The following CKLF variants were observed in gnomAD, a reference collection of about 807,000 sequenced individuals.
CKLF encodes the protein chemokine-like factor.
Under a neutral mutation model 12.9 loss-of-function variants are expected in CKLF, and 16 were observed. That is an observed-to-expected ratio of 1.24 (90% CI 0.84 to 1.88). CKLF has a LOEUF of 1.88. Among genes scored for constraint, CKLF ranks in the 40% most tolerant of loss-of-function variants. The pLI is 0.00. For synonymous variants in CKLF, 61 were observed against 69.0 expected, an observed-to-expected ratio of 0.88 and a Z score of 0.57; for missense variants, 172 against 188.5, an observed-to-expected ratio of 0.91 and a Z score of 0.51.
chr16:66,557,664 A>G (rs965729244), intron 1 of CKLF, among the ~76,000 whole-genome samples: 1 of 152,244 alleles, frequency 6.6e-6, no homozygotes. Context: ...TGTGGGGAGC[A>G]GGATAAAAGG....
intron 2 of CKLF, among the ~76,000 whole-genome samples, chr16:66,562,472 A>G (rs890948479): frequency 1.3e-5 from 2 of 152,178 alleles, no homozygotes; most frequent in African/African-American, 4.8e-5. Flanking sequence ...TAAACTTTCT[A>G]CATAATACAT....
intron 1 of CKLF, among the ~76,000 whole-genome samples, chr16:66,555,642 C>T (rs1273972559): frequency 6.6e-6 from 1 of 152,196 alleles, no homozygotes; most frequent in Admixed American, 6.5e-5. Flanking sequence ...AAGAAGTAGA[C>T]AGGAGCCAAA....
intron 1 of CKLF, among the ~76,000 whole-genome samples, chr16:66,557,924 GGCATGGCT>G (rs1216573567): frequency 9.2e-5 from 14 of 152,110 alleles, no homozygotes; most frequent in Admixed American, 3.9e-4. Flanking sequence ...ATACACTTTA[GGCATGGCT>G]GTTTTATATG....
intron 1 of CKLF, 85 bp downstream of exon 1, chr16:66,552,878 T>G: frequency 6.3e-7 from 1 of 1,591,976 alleles, no homozygotes. Flanking sequence ...GCTGAACGCC[T>G]GTTTGCTTTT....
chr16:66,560,831 A>ACACACACT (rs1361552845), intron 2 of CKLF, among the ~76,000 whole-genome samples: 2 of 148,822 alleles, frequency 1.3e-5, no homozygotes, highest in Non-Finnish European at 2.9e-5. Flanking sequence ...ACACACACAC[A>ACACACACT]CACACACTTT....
chr16:66,564,461 AT>A (rs2012001074), intron 3 of CKLF, among the ~76,000 whole-genome samples: 1 of 149,120 alleles, frequency 6.7e-6, no homozygotes, highest in African/African-American at 2.5e-5. Flanking sequence ...TCTATGACTT[AT>A]TTTTTTCTTT....
intron 2 of CKLF, among the ~76,000 whole-genome samples, chr16:66,558,794 G>A (rs1309602629): frequency 1.3e-5 from 2 of 152,110 alleles, no homozygotes; most frequent in Admixed American, 1.3e-4. Context: ...AATTGGGGAG[G>A]CTAAAGTACA....
intron 2 of CKLF, 139 bp from the exon 3 acceptor site, chr16:66,562,983 T>C (rs1162055783): frequency 5.6e-6 from 5 of 890,196 alleles, no homozygotes; most frequent in Non-Finnish European, 8.9e-6. Context: ...TCCAAAGTGC[T>C]GGGATTACAG....
At chr16:66,559,679 C>T (rs754575698) in intron 2 of CKLF, among the ~76,000 whole-genome samples, 1 of 152,096 alleles carries the variant, frequency 6.6e-6, no homozygotes, top group Non-Finnish European at 1.5e-5. Flanking sequence ...CAGTAATAAA[C>T]TGGGAGCCAG....
chr16:66,564,595 C>G (rs577717938), intron 3 of CKLF, among the ~76,000 whole-genome samples: 2 of 152,064 alleles, frequency 1.3e-5, no homozygotes, highest in African/African-American at 4.8e-5. Context: ...CTCAGCCTCC[C>G]AAGTAGCTGG....
chr16:66,562,850 A>G (rs905519568), intron 2 of CKLF, among the ~76,000 whole-genome samples: 8 of 152,044 alleles, frequency 5.3e-5, no homozygotes, highest in African/African-American at 1.9e-4. Context: ...CCTCCCGAGT[A>G]GCTGGGATTA....
chr16:66,557,458 G>A (rs530555867), intron 1 of CKLF, among the ~76,000 whole-genome samples: 6 of 151,582 alleles, frequency 4.0e-5, no homozygotes, highest in African/African-American at 7.3e-5. Flanking sequence ...ATGAGCCACC[G>A]CGCCCACCCT....
At chr16:66,557,817 G>A (rs989857462) in intron 1 of CKLF, among the ~76,000 whole-genome samples, 1 of 152,208 alleles carries the variant, frequency 6.6e-6, no homozygotes, top group South Asian at 2.1e-4. Context: ...AACTGATGTG[G>A]GAAGTGATAG....
At chr16:66,559,489 GA>G (rs906184195) in intron 2 of CKLF, among the ~76,000 whole-genome samples, 6 of 152,224 alleles carry the variant, frequency 3.9e-5, no homozygotes, top group Non-Finnish European at 8.8e-5. Context: ...TTTAGTGGCA[GA>G]AAGGGTTAAA....
At chr16:66,555,299 G>A (rs965462530) in intron 1 of CKLF, among the ~76,000 whole-genome samples, 2 of 152,160 alleles carry the variant, frequency 1.3e-5, no homozygotes, top group African/African-American at 4.8e-5. Flanking sequence ...AGGACAGAAG[G>A]GGATTGCTGC....
chr16:66,552,799 G>A lies in CKLF; in HGVS notation c.78+6G>A, dbSNP rs1965855685. The A allele has an allele frequency of 6.2e-7, 1 of 1,613,942 alleles. No homozygotes were observed. The highest frequency in any genetic ancestry group is 1.1e-5 in the South Asian group (1 of 91,086). ...ACGTGAAGATGCTGCGGCTGGTGAG[G>A]CCGGGCCGCGGAGGGCGGGAGGCTG... On this transcript the variant is annotated splice_donor_region_variant and intron_variant, in intron 1 of 3. Transcript: ENST00000264001.
At chr16:66,562,970 C>T in intron 2 of CKLF, 152 bp from the exon 3 acceptor site, 2 of 790,060 alleles carry the variant, frequency 2.5e-6, no homozygotes, top group Non-Finnish European at 4.2e-6. Flanking sequence ...GATCTGTCTG[C>T]CTTCCAAAGT....
chr16:66,565,940 C>G lies in CKLF; in HGVS notation c.388C>G (p.Arg130Gly), dbSNP rs376804720. The part of the protein sequence containing the change: ...CCLADGALIY[R>G]KLLFNPSGPY... Reference sequence around the variant, plus strand: ...TCTTGCCGACGGGGCCCTTATTTACCGGAAGCTTCTGTTCAATCCCAGCGG... The same window carrying G: ...TCTTGCCGACGGGGCCCTTATTTACGGGAAGCTTCTGTTCAATCCCAGCGG... The change falls in exon 4 of 4, where the codon CGG becomes GGG. Residue 130 changes from arginine (R) to glycine (G), a missense_variant. Physicochemically the swap from Arg to Gly is moderately radical, Grantham distance 125. Coordinates refer to ENST00000264001, the MANE Select transcript of CKLF (RefSeq NM_016951.4). 3.1e-6 allele frequency: 5 copies of G among 1,613,976 alleles called. No homozygotes were observed. In the South Asian group the frequency reaches 4.4e-5, roughly 14 times the overall value.
intron 2 of CKLF, 160 bp from the exon 3 acceptor site, chr16:66,562,962 T>G (rs768644663): frequency 4.0e-6 from 3 of 758,156 alleles, no homozygotes; most frequent in Non-Finnish European, 6.6e-6. Flanking sequence ...CTTCAAGTGA[T>G]CTGTCTGCCT....
Sources: allele counts gnomAD v4.1 joint callset (sites outside exome capture counted in the v4.1 genomes callset), GRCh38; gene constraint gnomAD v4.1.1; transcripts MANE v1.5; gene names NCBI Gene and HGNC (gene_info 2026-07-23, HGNC 2026-07-21).